Variants in CCSER2 observed in about 807,000 individuals in gnomAD.
CCSER2 encodes the protein coiled-coil serine rich protein 2.
Under a neutral mutation model 92.3 loss-of-function variants are expected in CCSER2, and 46 were observed. The ratio of observed to expected loss-of-function variants is 0.50; its 90% CI spans 0.39 to 0.64. CCSER2 has a LOEUF of 0.64. CCSER2 is among the 30% of genes least tolerant of loss of function. The probability of loss-of-function intolerance (pLI) is 0.00; values close to 1 mark genes in which losing one functional copy is unlikely to be tolerated. For missense variants in CCSER2, 1,244 were observed against 1,238.9 expected (o/e 1.00, Z -0.06); for synonymous variants, 433 against 431.4 (o/e 1.00, Z -0.04).
intron 8 of CCSER2, among the ~76,000 whole-genome samples, chr10:84,471,491 C>T (rs1846797855): frequency 6.6e-6 from 1 of 152,006 alleles, no homozygotes; most frequent in Non-Finnish European, 1.5e-5. Context: ...GTGTCTTGTG[C>T]AATTCAGAAA....
chr10:84,512,393 T>A (rs59854399), intron 9 of CCSER2, among the ~76,000 whole-genome samples: 25,064 of 117,168 alleles, frequency 0.21, 3,521 homozygotes, highest in African/African-American at 0.42. Flanking sequence ...TGTGTGTGTG[T>A]GTGAGAGAGA....
intron 6 of CCSER2, chr10:84,455,481 G>T (rs1845562011): frequency 3.4e-6 from 1 of 290,814 alleles, no homozygotes; most frequent in Non-Finnish European, 6.6e-6. Context: ...TTGCCATGTT[G>T]GCCAGGCTGG....
intron 6 of CCSER2, among the ~76,000 whole-genome samples, chr10:84,441,958 A>G (rs1354605016): frequency 6.6e-6 from 1 of 151,726 alleles, no homozygotes; most frequent in African/African-American, 2.4e-5. Context: ...GGGTTTCACC[A>G]TGTTAGCCAC....
intron 3 of CCSER2, among the ~76,000 whole-genome samples, chr10:84,385,189 T>C (rs1429011459): frequency 3.3e-5 from 5 of 152,142 alleles, no homozygotes; most frequent in East Asian, 1.9e-4. Flanking sequence ...CTCAAAGTAA[T>C]CTACAGATTC....
intron 6 of CCSER2, among the ~76,000 whole-genome samples, chr10:84,457,708 A>G (rs1016835578): frequency 3.7e-5 from 4 of 107,768 alleles, no homozygotes; most frequent in African/African-American, 1.3e-4. Flanking sequence ...ATATAATTAT[A>G]TTATATATAA....
intron 9 of CCSER2, among the ~76,000 whole-genome samples, chr10:84,485,539 G>C (rs1313188169): frequency 6.6e-6 from 1 of 152,158 alleles, no homozygotes; most frequent in East Asian, 1.9e-4. Flanking sequence ...TCAAGTAGTT[G>C]TGTGCATCAG....
intron 6 of CCSER2, among the ~76,000 whole-genome samples, chr10:84,454,999 C>T (rs1845519198): frequency 6.6e-6 from 1 of 152,130 alleles, no homozygotes. Flanking sequence ...GTGAATAAGT[C>T]TCATGAGATC....
Position 84,424,368 on chromosome 10 carries a change from C to A in CCSER2, c.1706-1363C>A, listed in dbSNP as rs533315810. 1.1e-4 allele frequency among the ~76,000 whole-genome samples: 17 copies of A among 150,422 alleles called. No homozygotes were observed. The South Asian group carries it at 2.3e-3, about 21-fold the overall frequency. On this transcript the variant is annotated intron_variant, in intron 4 of 9. Coordinates refer to ENST00000372088, the MANE Select transcript of CCSER2 (RefSeq NM_001284240.2). The stretch of plus-strand genomic sequence containing the variant: ...TGTAAGGCTTCTTTTAAAACATGAA[C>A]AAAAATTCTTTTTTCACATTATTAA...
chr10:84,359,582 A>G (rs1469769654), intron 1 of CCSER2, among the ~76,000 whole-genome samples: 2 of 152,090 alleles, frequency 1.3e-5, no homozygotes, highest in African/African-American at 4.8e-5. Context: ...TGGTCAGGGT[A>G]GTTAGAAGTT....
intron 8 of CCSER2, among the ~76,000 whole-genome samples, chr10:84,473,845 G>A (rs933492179): frequency 6.6e-6 from 1 of 152,112 alleles, no homozygotes; most frequent in Non-Finnish European, 1.5e-5. Context: ...TATCCAAAAT[G>A]TGAAGGTTTT....
intron 1 of CCSER2, among the ~76,000 whole-genome samples, chr10:84,344,079 T>C (rs1844349694): frequency 6.6e-6 from 1 of 152,340 alleles, no homozygotes; most frequent in Non-Finnish European, 1.5e-5. Flanking sequence ...CTGCATCATT[T>C]AATATGTTTC....
At chr10:84,369,705 T>G (rs1206751022) in intron 1 of CCSER2, among the ~76,000 whole-genome samples, 1 of 152,150 alleles carries the variant, frequency 6.6e-6, no homozygotes, top group African/African-American at 2.4e-5. Flanking sequence ...TTTTTGTGTC[T>G]TAGTCGTAAA....
intron 1 of CCSER2, among the ~76,000 whole-genome samples, chr10:84,329,543 G>C: frequency 6.6e-6 from 1 of 152,192 alleles, no homozygotes; most frequent in East Asian, 1.9e-4. Flanking sequence ...GCTCACTCCT[G>C]TAAGAGAGAA....
At chr10:84,347,978 C>G (rs376310632) in intron 1 of CCSER2, among the ~76,000 whole-genome samples, 371 of 151,866 alleles carry the variant, frequency 2.4e-3, no homozygotes, top group South Asian at 0.011. Context: ...ACTGGGCAGC[C>G]GGGCAGAGGG....
At chr10:84,477,286 A>G (rs918755852) in intron 8 of CCSER2, among the ~76,000 whole-genome samples, 24 of 152,318 alleles carry the variant, frequency 1.6e-4, no homozygotes, top group African/African-American at 5.5e-4. Context: ...CCACTCCCTG[A>G]ATAAGATGAG....
At chr10:84,469,715 GCTTAA>G (rs752532366) in intron 7 of CCSER2, among the ~76,000 whole-genome samples, 4 of 152,208 alleles carry the variant, frequency 2.6e-5, no homozygotes, top group South Asian at 2.1e-4. Flanking sequence ...CTGGATTCCT[GCTTAA>G]CTTGACAGTA....
chr10:84,440,428 T>C (rs1844456459), intron 6 of CCSER2, among the ~76,000 whole-genome samples: 1 of 152,116 alleles, frequency 6.6e-6, no homozygotes, highest in Non-Finnish European at 1.5e-5. Flanking sequence ...CTAATGTGAC[T>C]GAATTTAAAA....
chr10:84,507,597 A>G (rs565688065), intron 9 of CCSER2, among the ~76,000 whole-genome samples: 3 of 152,226 alleles, frequency 2.0e-5, no homozygotes, highest in South Asian at 4.2e-4. Context: ...CCTGCTTTCT[A>G]TTTGGTGCAC....
At chr10:84,380,980 G>A (rs568601880) in intron 3 of CCSER2, among the ~76,000 whole-genome samples, 11 of 152,238 alleles carry the variant, frequency 7.2e-5, no homozygotes, top group South Asian at 2.1e-4. Flanking sequence ...ATCCCAGGGC[G>A]TGAGCCACCA....
Sources: allele counts gnomAD v4.1 joint callset (sites outside exome capture counted in the v4.1 genomes callset), GRCh38; gene constraint gnomAD v4.1.1; transcripts MANE v1.5; gene names NCBI Gene and HGNC (gene_info 2026-07-23, HGNC 2026-07-21).